FLRT1: variants seen among roughly 807,000 people sequenced by gnomAD.
The protein encoded by FLRT1 is leucine-rich repeat transmembrane protein FLRT1.
A neutral mutation model predicts 30.9 loss-of-function variants in FLRT1; 14 were observed. That is an observed-to-expected ratio of 0.45 (90% CI 0.30 to 0.71). The LOEUF is 0.71. FLRT1 is among the 30% of genes least tolerant of loss of function. The pLI, the probability that FLRT1 is intolerant of heterozygous loss-of-function variation, is 0.08. For synonymous variants in FLRT1, 368 were observed against 430.4 expected (o/e 0.85, Z 1.80); for missense variants, 737 against 949.2 (o/e 0.78, Z 2.94).
chr11:64,104,182 G>GT lies in FLRT1; in HGVS notation c.-50+2dup, dbSNP rs1331619254. Reference sequence around the variant, plus strand: ...GTCTTGGGCGGCAGCGACGAAGGAGGTAAGGCCCAAGGACAAGGGAAGAGG... The same window carrying GT: ...GTCTTGGGCGGCAGCGACGAAGGAGGTTAAGGCCCAAGGACAAGGGAAGAGG... On this transcript the variant is annotated splice_donor_variant, in intron 2 of 2. Transcript: ENST00000682287. LOFTEE classifies it low-confidence loss of function (5UTR_SPLICE). The GT allele has an allele frequency of 6.6e-6, 1 of 152,386 alleles. No homozygotes were observed. The highest frequency in any genetic ancestry group is 1.5e-5 in the Non-Finnish European group (1 of 68,086). The allele number at this position is 152,386 out of a possible 1,614,324, so 9.4% of individuals were successfully genotyped here.
chr11:64,040,198 C>T lies in FLRT1; in HGVS notation c.-1038+4039C>T, dbSNP rs578232058. 6.6e-5 allele frequency among the ~76,000 whole-genome samples: 10 copies of T among 151,690 alleles called. No homozygotes were observed. In the East Asian group the frequency reaches 9.7e-4, roughly 15 times the overall value. ...ACATTAGTCAGATCTACCTCTTCCCCGTGAAGCCTTGGCTCTGAAGGCGCA... is the reference window on the plus strand; with the variant it reads ...ACATTAGTCAGATCTACCTCTTCCCTGTGAAGCCTTGGCTCTGAAGGCGCA... On this transcript the variant is annotated intron_variant, in intron 1 of 2. Coordinates refer to ENST00000682287, the MANE Select transcript of FLRT1 (RefSeq NM_013280.5).
At chr11:64,069,732 C>T (rs1031242685) in intron 1 of FLRT1, among the ~76,000 whole-genome samples, 3 of 152,122 alleles carry the variant, frequency 2.0e-5, no homozygotes, top group South Asian at 4.1e-4. Context: ...CCGGGCCCGG[C>T]CCCGGCAGCT....
At chr11:64,113,494 ATGGT>A (rs1457569616) in intron 2 of FLRT1, among the ~76,000 whole-genome samples, 1 of 149,094 alleles carries the variant, frequency 6.7e-6, no homozygotes, top group African/African-American at 2.5e-5. Flanking sequence ...GGATGGATGG[ATGGT>A]TGGATGGATG....
At chr11:64,061,362 G>C (rs2325718) in intron 1 of FLRT1, among the ~76,000 whole-genome samples, 4,511 of 152,238 alleles carry the variant, frequency 0.03, 216 homozygotes, top group African/African-American at 0.1. Flanking sequence ...GGAGGTGAGG[G>C]CCCTCTGCTA....
rs1284227248 is a variant in FLRT1, at chr11:64,090,611, C to A, written c.-1037-12583C>A. Among the ~76,000 whole-genome samples, 1 of 152,184 alleles carries A rather than the reference C, an allele frequency of 6.6e-6. No individual in the cohort carries two copies. Among genetic ancestry groups the A allele is most frequent in the Non-Finnish European group, 1.5e-5 (1 of 68,028 alleles). The stretch of plus-strand genomic sequence containing the variant: ...TGGAGGCTGTGGCCAGCCATCGCCG[C>A]AGGAGGGGTCCCAGCTGGAGCACTG... On this transcript the variant is annotated intron_variant, in intron 1 of 2. Coordinates refer to ENST00000682287, the MANE Select transcript of FLRT1 (RefSeq NM_013280.5). The surrounding 1 kb of genome is among the most constrained non-coding windows in gnomAD (Gnocchi z 4.7).
At chr11:64,038,249 T>A (rs1043703310) in intron 1 of FLRT1, among the ~76,000 whole-genome samples, 4 of 152,224 alleles carry the variant, frequency 2.6e-5, no homozygotes, top group Admixed American at 6.5e-5. Flanking sequence ...TCATGCCTGG[T>A]GGCTGAGCCT....
rs1431437083 is a variant in FLRT1 at position 64,064,063 on chromosome 11, G to A, written c.-1038+27904G>A. Among the ~76,000 whole-genome samples the A allele has an allele frequency of 1.3e-5, 2 of 152,124 alleles. No individual in the cohort carries two copies. Among genetic ancestry groups the A allele is most frequent in the Non-Finnish European group, 2.9e-5 (2 of 68,018 alleles). On this transcript the variant is annotated intron_variant, in intron 1 of 2. Transcript: ENST00000682287. This position sits in a 1 kb window ranked among gnomAD's most constrained non-coding sequence, Gnocchi z 4.5. ...TGTAGGTTAGCCAGCTTTGAACAGC[G>A]ACACCCACACAAACCCGAGGTCTCT...
In FLRT1 at chr11:64,116,890, A is replaced by T. The variant is rs778199923; in HGVS notation, c.623A>T (p.Asn208Ile). 6.2e-7 allele frequency: 1 copy of T among 1,611,514 alleles called. No homozygotes were observed. Reference sequence around the variant, plus strand: ...CTGGAGGAGCTGCGGCTGGATGACAACCGCATCTCCACCATCCCGCTGCAT... The same window carrying T: ...CTGGAGGAGCTGCGGCTGGATGACATCCGCATCTCCACCATCCCGCTGCAT... ...HTLEELRLDD[N>I]RISTIPLHAF... is the part of the protein sequence containing the mutation. Residue 208 changes from asparagine to isoleucine, a missense_variant, in exon 3 of 3, where the codon AAC (asparagine) becomes ATC (isoleucine). Coordinates refer to ENST00000682287, the MANE Select transcript of FLRT1 (RefSeq NM_013280.5).
intron 1 of FLRT1, among the ~76,000 whole-genome samples, chr11:64,066,720 G>T: frequency 6.6e-6 from 1 of 151,688 alleles, no homozygotes; most frequent in Middle Eastern, 3.2e-3. Flanking sequence ...TACGATGAGA[G>T]CCCCCAGGCA....
chr11:64,095,140 G>A (rs11231693), intron 1 of FLRT1, among the ~76,000 whole-genome samples: 16,751 of 152,234 alleles, frequency 0.11, 1,404 homozygotes, highest in East Asian at 0.35. Flanking sequence ...GCAAAGATGG[G>A]GAAGGAACGA....
At chr11:64,105,270 C>T (rs1944739857) in intron 2 of FLRT1, among the ~76,000 whole-genome samples, 1 of 152,170 alleles carries the variant, frequency 6.6e-6, no homozygotes, top group Admixed American at 6.5e-5. Flanking sequence ...CCCTCTAGTC[C>T]CTAGGAGGGC....
chr11:64,102,344 G>A (rs552522445), intron 1 of FLRT1, among the ~76,000 whole-genome samples: 1 of 150,712 alleles, frequency 6.6e-6, no homozygotes, highest in South Asian at 2.1e-4. Flanking sequence ...GAGGAGGGCG[G>A]CTGCGGGTGT....
At chr11:64,107,300 G>A (rs1022933388) in intron 2 of FLRT1, among the ~76,000 whole-genome samples, 12 of 152,178 alleles carry the variant, frequency 7.9e-5, no homozygotes, top group South Asian at 6.2e-4. Context: ...AAATAATGCC[G>A]AGAGAGAAAG....
rs1945020529 is a variant in FLRT1, at chr11:64,117,864, T to C, written c.1597T>C (p.Tyr533His). 1 of 1,614,022 alleles carries C rather than the reference T, an allele frequency of 6.2e-7. No individual in the cohort carries two copies. The highest frequency in any genetic ancestry group is 1.3e-5 in the African/African-American group (1 of 74,962). Residue 533 changes from tyrosine to histidine, a missense_variant, in exon 3 of 3, where the codon TAT (tyrosine) becomes CAT (histidine). Coordinates refer to ENST00000682287, the MANE Select transcript of FLRT1 (RefSeq NM_013280.5). ...TGCCAAGGCAGAGACAGCCGACAGC[T>C]ATGGCCCTACCACCACACTCAACCA... ...VCAKAETADSYGPTTTLNQEQ... is the reference protein window; with the variant it reads ...VCAKAETADSHGPTTTLNQEQ...
intron 1 of FLRT1, among the ~76,000 whole-genome samples, chr11:64,040,908 G>A (rs551931069): frequency 2.0e-5 from 3 of 152,052 alleles, no homozygotes; most frequent in African/African-American, 2.4e-5. Flanking sequence ...TCCGACGTCC[G>A]GCCAGGCCCC....
At position 64,103,972 on chromosome 11, in the gene FLRT1, GC is replaced by G. The variant is rs1332755989; in HGVS notation, c.-256del. On this transcript the variant is annotated 5_prime_UTR_variant, in exon 2 of 3. Coordinates refer to ENST00000682287, the MANE Select transcript of FLRT1 (RefSeq NM_013280.5). ...CCGAGGCACCGGATCCCCTCTCTGT[GC>G]CCTGGGGAGCCCCAGTGCTGCCCAG... 2.0e-5 allele frequency: 3 copies of G among 152,348 alleles called. No individual in the cohort carries two copies. The highest frequency in any genetic ancestry group is 7.2e-5 in the African/African-American group (3 of 41,438). 9.4% of individuals were successfully genotyped at this position (152,348 alleles called of 1,614,324 possible).
chr11:64,048,172 T>C (rs1228345584), intron 1 of FLRT1, among the ~76,000 whole-genome samples: 1 of 152,210 alleles, frequency 6.6e-6, no homozygotes, highest in Admixed American at 6.5e-5. Context: ...TCTGGCCCAC[T>C]GGCCTCTCAG....
At chr11:64,103,076 A>C in intron 1 of FLRT1, 118 bp from the exon 2 acceptor site, 1 of 152,432 alleles carries the variant, frequency 6.6e-6, no homozygotes, top group East Asian at 1.9e-4. Context: ...TCTCAAAAAA[A>C]AAAACAAAAA....
At chr11:64,110,814 A>G (rs562334579) in intron 2 of FLRT1, among the ~76,000 whole-genome samples, 12 of 152,320 alleles carry the variant, frequency 7.9e-5, no homozygotes, top group Non-Finnish European at 1.6e-4. Flanking sequence ...AAACTATGAA[A>G]CACACAACAA....
Sources: gnomAD v4.1 joint callset for allele counts (sites outside exome capture counted in the v4.1 genomes callset) on GRCh38, gnomAD v4.1.1 for gene constraint, Gnocchi (gnomAD v3.1) non-coding constraint, MANE v1.5 for transcripts, NCBI Gene and HGNC (gene_info 2026-07-23, HGNC 2026-07-21) for gene names.